The following LINGO2 variants were observed in gnomAD, a reference collection of about 807,000 sequenced individuals.
The protein encoded by LINGO2 is leucine rich repeat and Ig domain containing 2.
A neutral mutation model predicts 30.6 loss-of-function variants in LINGO2; 14 were observed. The ratio of observed to expected loss-of-function variants is 0.46; its 90% CI spans 0.30 to 0.72. The LOEUF (loss-of-function observed/expected upper bound fraction) is 0.72. LINGO2 is among the 30% of genes least tolerant of loss of function. The pLI is 0.07. For missense variants in LINGO2, 729 were observed against 751.7 expected, an observed-to-expected ratio of 0.97 and a Z score of 0.35; for synonymous variants, 317 against 288.5, an observed-to-expected ratio of 1.10 and a Z score of -1.00.
At chr9:28,641,160 A>T (rs1163682522) in intron 1 of LINGO2, among the ~76,000 whole-genome samples, 1 of 151,984 alleles carries the variant, frequency 6.6e-6, no homozygotes, top group Non-Finnish European at 1.5e-5. Context: ...CAGTCTCCCG[A>T]GTAGCTGGGA....
chr9:28,438,536 C>T (rs1334012192), intron 2 of LINGO2, among the ~76,000 whole-genome samples: 4 of 152,064 alleles, frequency 2.6e-5, no homozygotes, highest in Non-Finnish European at 5.9e-5. Context: ...TTTCTTGGTT[C>T]GTCAGTTTGC....
chr9:28,722,222 T>C, the LINGO2 span, among the ~76,000 whole-genome samples: 1 of 152,136 alleles, frequency 6.6e-6, no homozygotes, highest in African/African-American at 2.4e-5. Context: ...CCACTATTTA[T>C]AGTCAAACAA....
chr9:28,650,664 C>T (rs62548018), intron 1 of LINGO2, among the ~76,000 whole-genome samples: 9,242 of 152,208 alleles, frequency 0.061, 477 homozygotes, highest in Admixed American at 0.18. Context: ...TTCCTCTTCC[C>T]TGGCTGTTTT....
chr9:28,554,435 A>C (rs1356534372), intron 1 of LINGO2, among the ~76,000 whole-genome samples: 2 of 142,636 alleles, frequency 1.4e-5, no homozygotes, highest in Admixed American at 7.1e-5. Flanking sequence ...GATCAATTCA[A>C]CAAGAAGAGC....
chr9:28,237,155 G>T (rs916426892), intron 4 of LINGO2, among the ~76,000 whole-genome samples: 9 of 149,850 alleles, frequency 6.0e-5, no homozygotes, highest in African/African-American at 1.7e-4. Context: ...TTTTTATTAG[G>T]TTTTTTTTGC....
chr9:28,015,219 T>C (rs1822768108), intron 4 of LINGO2, among the ~76,000 whole-genome samples: 1 of 152,168 alleles, frequency 6.6e-6, no homozygotes, highest in African/African-American at 2.4e-5. Flanking sequence ...CAAGTTCCTC[T>C]TATTAAACCT....
intron 4 of LINGO2, among the ~76,000 whole-genome samples, chr9:28,050,889 C>T (rs1824641498): frequency 6.6e-6 from 1 of 150,824 alleles, no homozygotes; most frequent in African/African-American, 2.5e-5. Flanking sequence ...GTAATAAATA[C>T]CATTAATCTA....
the LINGO2 span, among the ~76,000 whole-genome samples, chr9:29,138,391 A>G: frequency 6.6e-6 from 1 of 152,102 alleles, no homozygotes; most frequent in Non-Finnish European, 1.5e-5. Flanking sequence ...TTTACTCACT[A>G]TACAATATAG....
the LINGO2 span, among the ~76,000 whole-genome samples, chr9:28,813,658 A>T: frequency 6.6e-6 from 1 of 152,210 alleles, no homozygotes; most frequent in Non-Finnish European, 1.5e-5. Context: ...TTCTGAGGAC[A>T]GCGAATAAAC....
At chr9:29,124,741 C>T in the LINGO2 span, among the ~76,000 whole-genome samples, 9 of 151,960 alleles carry the variant, frequency 5.9e-5, no homozygotes, top group African/African-American at 2.2e-4. Context: ...GAATGGCGAT[C>T]ATTAAAAAGT....
the LINGO2 span, among the ~76,000 whole-genome samples, chr9:29,074,438 T>A: frequency 6.6e-6 from 1 of 152,148 alleles, no homozygotes; most frequent in Non-Finnish European, 1.5e-5. Context: ...ATCCTTCCTC[T>A]GGCTCCTTTT....
intron 2 of LINGO2, among the ~76,000 whole-genome samples, chr9:28,452,340 G>A (rs1195479048): frequency 1.3e-5 from 2 of 151,690 alleles, no homozygotes; most frequent in Non-Finnish European, 3.0e-5. Context: ...TTTAGTAGAA[G>A]GCTTGTGTCC....
At chr9:28,522,537 A>G (rs1050301627) in intron 1 of LINGO2, among the ~76,000 whole-genome samples, 1 of 152,238 alleles carries the variant, frequency 6.6e-6, no homozygotes, top group Non-Finnish European at 1.5e-5. Flanking sequence ...GCAGAAAAAT[A>G]TAAAAGTCTT....
At chr9:28,484,871 C>A (rs1484910924) in intron 1 of LINGO2, among the ~76,000 whole-genome samples, 1 of 152,100 alleles carries the variant, frequency 6.6e-6, no homozygotes, top group Non-Finnish European at 1.5e-5. Context: ...GAGCAACCCA[C>A]AGACAACACT....
intron 4 of LINGO2, among the ~76,000 whole-genome samples, chr9:28,127,627 C>T (rs1167832349): frequency 6.6e-6 from 1 of 152,158 alleles, no homozygotes; most frequent in African/African-American, 2.4e-5. Context: ...GCAAGCCTAA[C>T]AAGTGGCAAA....
intron 3 of LINGO2, among the ~76,000 whole-genome samples, chr9:28,354,747 G>C (rs1234344527): frequency 6.6e-6 from 1 of 151,960 alleles, no homozygotes; most frequent in Non-Finnish European, 1.5e-5. Flanking sequence ...TTACCAATTT[G>C]TTCTACTGTA....
chr9:28,184,963 C>T (rs1460128446), intron 4 of LINGO2, among the ~76,000 whole-genome samples: 1 of 150,964 alleles, frequency 6.6e-6, no homozygotes, highest in African/African-American at 2.4e-5. Context: ...CAAAACAAAA[C>T]AAAAAAAAAT....
chr9:28,188,718 A>G (rs1049215118), intron 4 of LINGO2, among the ~76,000 whole-genome samples: 1 of 152,160 alleles, frequency 6.6e-6, no homozygotes, highest in African/African-American at 2.4e-5. Context: ...AAATGCAGAA[A>G]TGGTCACTAT....
chr9:28,654,977 A>G (rs1828268182), intron 1 of LINGO2, among the ~76,000 whole-genome samples: 1 of 152,062 alleles, frequency 6.6e-6, no homozygotes, highest in African/African-American at 2.4e-5. Flanking sequence ...ATGGTGATGG[A>G]ATTTACTGAG....
Sources: gnomAD v4.1 joint callset for allele counts (sites outside exome capture counted in the v4.1 genomes callset) on GRCh38, gnomAD v4.1.1 for gene constraint, MANE v1.5 for transcripts, NCBI Gene and HGNC (gene_info 2026-07-23, HGNC 2026-07-21) for gene names.